Variants in USP42 observed in about 807,000 individuals in gnomAD.
USP42 encodes the protein ubiquitin carboxyl-terminal hydrolase 42.
In USP42, 23 loss-of-function variants were observed where a neutral mutation model predicts 113.0. That is an observed-to-expected ratio of 0.20 (90% CI 0.15 to 0.29). The LOEUF (loss-of-function observed/expected upper bound fraction) is 0.29, where lower values mean the gene tolerates loss of function less well. Ranked by LOEUF, USP42 falls within the 10% of genes least tolerant of loss-of-function variation. USP42 has a pLI of 1.00. For missense variants in USP42, 2,174 were observed against 1,779.8 expected (o/e 1.22, Z -3.99); for synonymous variants, 933 against 699.0 (o/e 1.33, Z -5.28).
chr7:6,155,635 G>A (rs1782403207), intron 15 of USP42, among the ~76,000 whole-genome samples: 1 of 152,176 alleles, frequency 6.6e-6, no homozygotes, highest in African/African-American at 2.4e-5. Context: ...GCAGACAACA[G>A]GAGGCACACT....
At position 6,111,151 on chromosome 7, in the gene USP42, A is replaced by G; in HGVS notation, c.18A>G (p.Lys6=). The change falls in exon 2 of 18, where the codon AAA becomes AAG. Residue 6 remains lysine (K), a synonymous_variant. Transcript: ENST00000306177. The part of the protein sequence containing the change: MTIVD[K]ASESSDPSAY... ...GTTGAACAATGACCATAGTTGACAA[A>G]GCTTCTGAATCTTCAGACCCATCAG... 1 of 1,612,390 alleles carries G rather than the reference A, an allele frequency of 6.2e-7. No homozygotes were observed. Among genetic ancestry groups the G allele is most frequent in the Non-Finnish European group, 8.5e-7 (1 of 1,178,742 alleles).
Position 6,151,274 on chromosome 7 carries a change from C to T in USP42, c.2201+768C>T, listed in dbSNP as rs368118267. ...CTCTGGAAACACTGCACACTTCAGC[C>T]GCACTCAATTTGTTAAAAAAATTGA... On this transcript the variant is annotated intron_variant, in intron 14 of 17. Coordinates refer to ENST00000306177, the MANE Select transcript of USP42 (RefSeq NM_032172.3). 4.2e-3 allele frequency among the ~76,000 whole-genome samples: 638 copies of T among 152,256 alleles called. 3 individuals are homozygous for T. The highest frequency in any genetic ancestry group is 0.015 in the African/African-American group (609 of 41,528).
chr7:6,100,004 C>CTATTTTTATTATTATTATTATTAT (rs141280623), upstream of USP42, among the ~76,000 whole-genome samples: 442 of 144,328 alleles, frequency 3.1e-3, 2 homozygotes, highest in Middle Eastern at 7.0e-3. Flanking sequence ...TTTCACAAGT[C>CTATTTTTATTATTATTATTATTAT]TATTATTATT....
At chr7:6,152,661 G>C (rs571195125) in intron 14 of USP42, among the ~76,000 whole-genome samples, 2 of 152,238 alleles carry the variant, frequency 1.3e-5, no homozygotes, top group African/African-American at 4.8e-5. Context: ...GCCTCACCTA[G>C]GCCAGGTAGC....
the USP42 span, among the ~76,000 whole-genome samples, chr7:6,090,192 C>T: frequency 6.8e-6 from 1 of 146,642 alleles, no homozygotes; most frequent in Non-Finnish European, 1.5e-5. Context: ...CCCAGCTACT[C>T]GGGAGGCTGA....
At chr7:6,149,492 C>G (rs1176495670) in intron 12 of USP42, 91 bp from the exon 13 acceptor site, 3 of 1,409,722 alleles carry the variant, frequency 2.1e-6, no homozygotes, top group South Asian at 1.5e-5. Context: ...AAAAAAAAAG[C>G]AAAATGGGAA....
intron 15 of USP42, 87 bp from the exon 16 acceptor site, chr7:6,156,667 G>C: frequency 6.9e-7 from 1 of 1,449,240 alleles, no homozygotes; most frequent in South Asian, 1.5e-5. Context: ...AATGTTCTCG[G>C]TGAATGGGTG....
At chr7:6,086,916 C>G in the USP42 span, among the ~76,000 whole-genome samples, 1 of 149,650 alleles carries the variant, frequency 6.7e-6, no homozygotes, top group South Asian at 2.1e-4. Context: ...TTAGTAGAGA[C>G]GGGGTTTCAC....
chr7:6,124,277 T>C (rs956963438), intron 3 of USP42, among the ~76,000 whole-genome samples: 9 of 152,164 alleles, frequency 5.9e-5, no homozygotes, highest in African/African-American at 1.9e-4. Flanking sequence ...TTCCCTTTTT[T>C]CTTTTTTTGA....
At chr7:6,124,537 T>G (rs1347161105) in intron 3 of USP42, among the ~76,000 whole-genome samples, 1 of 152,338 alleles carries the variant, frequency 6.6e-6, no homozygotes, top group African/African-American at 2.4e-5. Context: ...GTGCTGGGAT[T>G]ACAGGAGTGA....
intron 2 of USP42, among the ~76,000 whole-genome samples, chr7:6,113,111 G>A (rs989385262): frequency 1.3e-5 from 2 of 151,728 alleles, no homozygotes; most frequent in Non-Finnish European, 2.9e-5. Flanking sequence ...CACCATGCTG[G>A]CCAGGCTGGT....
In USP42 at chr7:6,153,917, A is replaced by G. The variant is rs752120985; in HGVS notation, c.2363A>G (p.Glu788Gly). 5 of 1,600,952 alleles carry G rather than the reference A, an allele frequency of 3.1e-6. No individual in the cohort carries two copies. Among genetic ancestry groups the G allele is most frequent in the Admixed American group, 3.4e-5 (2 of 58,434 alleles). ...GATCCCGGCACCCCCGCTACCAAAG[A>G]AGGCGCCTGGGAGGCCATGGCCGTC... ...PRDPGTPATK[E>G]GAWEAMAVAP... Residue 788 changes from glutamate (E) to glycine (G), a missense_variant, in exon 15 of 18, where the codon GAA becomes GGA. Physicochemically the swap from Glu to Gly is moderately conservative, Grantham distance 98. Coordinates refer to ENST00000306177, the MANE Select transcript of USP42 (RefSeq NM_032172.3).
At chr7:6,151,921 C>T (rs759969689) in intron 14 of USP42, among the ~76,000 whole-genome samples, 3 of 152,036 alleles carry the variant, frequency 2.0e-5, no homozygotes, top group African/African-American at 4.8e-5. Context: ...TCTTATGGAC[C>T]GCCATCATAT....
At chr7:6,100,927 C>G (rs1405905499), upstream of USP42, among the ~76,000 whole-genome samples, 1 of 150,972 alleles carries the variant, frequency 6.6e-6, no homozygotes, top group African/African-American at 2.5e-5. Flanking sequence ...CTTGGCCTCC[C>G]AAAGGGCTGG....
chr7:6,157,727 A>C lies in USP42; in HGVS notation c.3943+672A>C, dbSNP rs544502977. Among the ~76,000 whole-genome samples, 28 of 152,326 alleles carry C rather than the reference A, an allele frequency of 1.8e-4. No individual in the cohort carries two copies. In the East Asian group the frequency reaches 4.6e-3, roughly 25 times the overall value. ...TTCTGAGTGCACCCTGATGCTCGGT[A>C]CTGATTTGCTCGCTTGGTTCCTTAG... On this transcript the variant is annotated intron_variant, in intron 16 of 17. Coordinates refer to ENST00000306177, the MANE Select transcript of USP42 (RefSeq NM_032172.3). The surrounding 1 kb of genome is among the most constrained non-coding windows in gnomAD (Gnocchi z 4.1).
chr7:6,092,047 CTT>C, the USP42 span, among the ~76,000 whole-genome samples: 45 of 77,756 alleles, frequency 5.8e-4, 1 homozygote, highest in African/African-American at 1.5e-3. Context: ...TCTTCTTCTT[CTT>C]CTTCTTTCTT....
Position 6,113,371 on chromosome 7 carries a change from C to T in USP42, c.242-1952C>T, listed in dbSNP as rs375867432. Among the ~76,000 whole-genome samples, 608 of 152,250 alleles carry T rather than the reference C, an allele frequency of 4.0e-3. 2 individuals are homozygous for T. Among genetic ancestry groups the T allele is most frequent in the African/African-American group, 0.014 (581 of 41,554 alleles). ...CTTTCCCACAGGACCTCTTTCTCCACGGCCTTCAACCTCCTGTCATGTTGC... is the reference window on the plus strand; with the variant it reads ...CTTTCCCACAGGACCTCTTTCTCCATGGCCTTCAACCTCCTGTCATGTTGC... On this transcript the variant is annotated intron_variant, in intron 2 of 17. Coordinates refer to ENST00000306177, the MANE Select transcript of USP42 (RefSeq NM_032172.3).
At chr7:6,119,035 C>G (rs1780064630) in intron 3 of USP42, among the ~76,000 whole-genome samples, 1 of 148,172 alleles carries the variant, frequency 6.7e-6, no homozygotes, top group Admixed American at 6.7e-5. Flanking sequence ...GGCAACATGT[C>G]AAGACCCTGT....
At chr7:6,087,053 A>AC in the USP42 span, among the ~76,000 whole-genome samples, 1 of 131,282 alleles carries the variant, frequency 7.6e-6, no homozygotes, top group Non-Finnish European at 1.6e-5. Context: ...TTCTTTTGAG[A>AC]CAGAGTGTCA....
Sources: gnomAD v4.1 joint callset for allele counts (sites outside exome capture counted in the v4.1 genomes callset) on GRCh38, gnomAD v4.1.1 for gene constraint, Gnocchi (gnomAD v3.1) non-coding constraint, MANE v1.5 for transcripts, NCBI Gene and HGNC (gene_info 2026-07-23, HGNC 2026-07-21) for gene names.